The following DCP2 variants were observed in gnomAD, a reference collection of about 807,000 sequenced individuals.
DCP2 encodes decapping mRNA 2, also known as m7GpppN-mRNA hydrolase.
A neutral mutation model predicts 56.1 loss-of-function variants in DCP2; 30 were observed. That is an observed-to-expected ratio of 0.53 (90% CI 0.40 to 0.73). DCP2 has a LOEUF of 0.73. Among genes scored for constraint, DCP2 ranks in the 30% least tolerant of loss-of-function variants. The pLI is 0.00. For synonymous variants in DCP2, 197 were observed against 163.3 expected (o/e 1.21, Z -1.57); for missense variants, 533 against 502.7 (o/e 1.06, Z -0.58).
At chr5:113,009,263 T>C (rs999533676) in intron 9 of DCP2, among the ~76,000 whole-genome samples, 1 of 152,250 alleles carries the variant, frequency 6.6e-6, no homozygotes, top group African/African-American at 2.4e-5. Flanking sequence ...CACAAAATAC[T>C]CTCACATTTG....
In DCP2 at chr5:113,016,433, G is replaced by C. The variant is rs1350407788; in HGVS notation, c.*2949G>C. On this transcript the variant is annotated 3_prime_UTR_variant, in exon 11 of 11. Transcript: ENST00000389063. ...AATTGTGGTTACTACTTGCTGTTCT[G>C]AGCTTTGAATATCGTTATTTTTCTA... The C allele has an allele frequency of 6.6e-6, 1 of 152,198 alleles. No individual in the cohort carries two copies. The highest frequency in any genetic ancestry group is 1.5e-5 in the Non-Finnish European group (1 of 68,016). 9.4% of individuals were successfully genotyped at this position (152,198 alleles called of 1,614,324 possible). A position where few individuals can be genotyped will look rare whatever the true frequency, so the allele number is the denominator to read the frequency against.
chr5:112,985,825 T>G lies in DCP2; in HGVS notation c.54-10T>G. On this transcript the variant is annotated splice_polypyrimidine_tract_variant and intron_variant, in intron 1 of 10. Transcript: ENST00000389063. ...AAATGTAATTTTTGTATGTGTTTTG[T>G]TTTTGACAGCCGATTTATTTTGCAT... 2 of 1,592,860 alleles carry G rather than the reference T, an allele frequency of 1.3e-6. No individual in the cohort carries two copies. Among genetic ancestry groups the G allele is most frequent in the Non-Finnish European group, 1.7e-6 (2 of 1,162,028 alleles).
In DCP2 at chr5:113,015,494, C is replaced by CT. The variant is rs1475731524; in HGVS notation, c.*2014dup. 2 of 152,446 alleles carry CT rather than the reference C, an allele frequency of 1.3e-5. No homozygotes were observed. The highest frequency in any genetic ancestry group is 2.9e-5 in the Non-Finnish European group (2 of 67,994). 9.4% of individuals were successfully genotyped at this position (152,446 alleles called of 1,614,324 possible). On this transcript the variant is annotated 3_prime_UTR_variant, in exon 11 of 11. Coordinates refer to ENST00000389063, the MANE Select transcript of DCP2 (RefSeq NM_152624.6). ...AGTATGGCCTCTAATGGTGTTGAGC[C>CT]TTTTCAAGAACCAACAAATTATCTT...
At chr5:112,990,308 T>A (rs1247886976) in intron 2 of DCP2, among the ~76,000 whole-genome samples, 1 of 152,226 alleles carries the variant, frequency 6.6e-6, no homozygotes, top group African/African-American at 2.4e-5. Context: ...AACTTGTCTA[T>A]GCCTCTGTTT....
intron 4 of DCP2, among the ~76,000 whole-genome samples, chr5:113,000,405 C>A (rs1749107525): frequency 1.2e-5 from 1 of 85,856 alleles, no homozygotes; most frequent in South Asian, 4.2e-4. Flanking sequence ...CTAATACACA[C>A]ACACACACAC....
rs769330450 is a variant in DCP2, at chr5:113,001,566, G to C, written c.699-1G>C. On this transcript the variant is annotated splice_acceptor_variant, in intron 6 of 10. Transcript: ENST00000389063. LOFTEE classifies it high-confidence loss of function. ...AAAGTGAATTCTTAATGTTTCTGCA[G>C]ACCATTAAGGGACTGGCTTTCTCGA... 1 of 1,613,672 alleles carries C rather than the reference G, an allele frequency of 6.2e-7. No individual in the cohort carries two copies. Among genetic ancestry groups the C allele is most frequent in the Admixed American group, 1.7e-5 (1 of 60,012 alleles).
chr5:112,987,065 A>G (rs551532934), intron 2 of DCP2, among the ~76,000 whole-genome samples: 14 of 152,324 alleles, frequency 9.2e-5, no homozygotes, highest in Admixed American at 9.1e-4. Context: ...TATCAGGCAG[A>G]AACTTGTCGT....
In DCP2 at chr5:113,015,494, C is replaced by T. The variant is rs1749849740; in HGVS notation, c.*2010C>T. The T allele has an allele frequency of 6.6e-6, 1 of 152,446 alleles. No homozygotes were observed. The highest frequency in any genetic ancestry group is 1.5e-5 in the Non-Finnish European group (1 of 67,994). 9.4% of individuals were successfully genotyped at this position (152,446 alleles called of 1,614,324 possible). A position where few individuals can be genotyped will look rare whatever the true frequency, so the allele number is the denominator to read the frequency against. On this transcript the variant is annotated 3_prime_UTR_variant, in exon 11 of 11. Coordinates refer to ENST00000389063, the MANE Select transcript of DCP2 (RefSeq NM_152624.6). ...AGTATGGCCTCTAATGGTGTTGAGC[C>T]TTTTCAAGAACCAACAAATTATCTT...
chr5:113,002,430 A>G (rs190478174), intron 7 of DCP2, among the ~76,000 whole-genome samples: 46 of 152,178 alleles, frequency 3.0e-4, no homozygotes, highest in Admixed American at 1.6e-3. Flanking sequence ...CTCAAAAAAA[A>G]AAAAAAAAAT....
At chr5:113,005,905 G>T (rs532804224) in intron 8 of DCP2, among the ~76,000 whole-genome samples, 3 of 152,160 alleles carry the variant, frequency 2.0e-5, no homozygotes, top group Non-Finnish European at 4.4e-5. Context: ...GGCTGAGGCA[G>T]GCGGATTATT....
intron 9 of DCP2, among the ~76,000 whole-genome samples, chr5:113,008,878 T>C (rs1749558138): frequency 6.6e-6 from 1 of 151,824 alleles, no homozygotes; most frequent in Non-Finnish European, 1.5e-5. Flanking sequence ...TGAGTCTCTC[T>C]CTGTCACCAA....
chr5:112,997,202 T>C lies in DCP2; in HGVS notation c.433-3882T>C, dbSNP rs114759621. ...AGTAATTCCATTTTGTTTAGGTCTG[T>C]TGGGGCCTAGTGTGGGAATGCAGTC... On this transcript the variant is annotated intron_variant, in intron 4 of 10. Transcript: ENST00000389063. Among the ~76,000 whole-genome samples, 1,326 of 152,356 alleles carry C rather than the reference T, an allele frequency of 8.7e-3. 24 individuals are homozygous for C. The highest frequency in any genetic ancestry group is 0.031 in the African/African-American group (1,269 of 41,578).
rs1750111074 is a variant in DCP2, at chr5:113,021,260, G to C, written c.*7776G>C. ...TGCGTGTCTGTAGTCCCAGCTACTT[G>C]GGAGGCTGAGGCAGGAGAATCTCTT... On this transcript the variant is annotated 3_prime_UTR_variant, in exon 11 of 11. Coordinates refer to ENST00000389063, the MANE Select transcript of DCP2 (RefSeq NM_152624.6). Among the ~76,000 whole-genome samples the C allele has an allele frequency of 2.0e-5, 3 of 151,786 alleles. No homozygotes were observed. Among genetic ancestry groups the C allele is most frequent in the Non-Finnish European group, 4.4e-5 (3 of 67,960 alleles).
At chr5:112,996,328 C>T (rs182760294) in intron 4 of DCP2, among the ~76,000 whole-genome samples, 375 of 152,230 alleles carry the variant, frequency 2.5e-3, no homozygotes, top group Admixed American at 4.1e-3. Flanking sequence ...CTTTTCATTT[C>T]CACTTGTATT....
At position 113,017,602 on chromosome 5, in the gene DCP2, T is replaced by C. The variant is rs1317188101; in HGVS notation, c.*4118T>C. 1 of 152,218 alleles carries C rather than the reference T, an allele frequency of 6.6e-6. No homozygotes were observed. The highest frequency in any genetic ancestry group is 1.9e-4 in the East Asian group (1 of 5,198). 9.4% of individuals were successfully genotyped at this position (152,218 alleles called of 1,614,324 possible). ...AATGGGCAGTACAGGCTTTGCCCCA[T>C]GCTTTCAAAGTAGGATTCTGGATTG... On this transcript the variant is annotated 3_prime_UTR_variant, in exon 11 of 11. Coordinates refer to ENST00000389063, the MANE Select transcript of DCP2 (RefSeq NM_152624.6).
At chr5:113,008,220 A>G in intron 9 of DCP2, 178 bp downstream of exon 9, 3 of 511,096 alleles carry the variant, frequency 5.9e-6, no homozygotes, top group Non-Finnish European at 1.1e-5. Flanking sequence ...GCTGCTCTTA[A>G]TTACAAATGT....
intron 1 of DCP2, among the ~76,000 whole-genome samples, chr5:112,980,720 G>A (rs1189861369): frequency 6.6e-6 from 1 of 151,896 alleles, no homozygotes; most frequent in Middle Eastern, 3.2e-3. Flanking sequence ...GAAAATTAGA[G>A]TACAGACAGA....
rs931712065 is a variant in DCP2, at chr5:113,013,919, G to C, written c.*435G>C. On this transcript the variant is annotated 3_prime_UTR_variant, in exon 11 of 11. Transcript: ENST00000389063. ...CAATTATTAAATGAACACAAGAGCT[G>C]AGATGTCACATTCGTCAGCATTACA... 2 of 154,052 alleles carry C rather than the reference G, an allele frequency of 1.3e-5. No homozygotes were observed. The highest frequency in any genetic ancestry group is 4.8e-5 in the African/African-American group (2 of 41,486). 9.5% of individuals were successfully genotyped at this position (154,052 alleles called of 1,614,324 possible). A position where few individuals can be genotyped will look rare whatever the true frequency, so the allele number is the denominator to read the frequency against.
At chr5:113,003,835 A>G (rs1014561894) in intron 7 of DCP2, 107 bp from the exon 8 acceptor site, 1 of 1,268,522 alleles carries the variant, frequency 7.9e-7, no homozygotes, top group African/African-American at 1.5e-5. Context: ...TGGGGAAGAT[A>G]GACAGTAAAT....
Sources: allele counts gnomAD v4.1 joint callset (sites outside exome capture counted in the v4.1 genomes callset), GRCh38; gene constraint gnomAD v4.1.1; transcripts MANE v1.5; gene names NCBI Gene and HGNC (gene_info 2026-07-23, HGNC 2026-07-21).